The following SLC35F3 variants were observed in gnomAD, a reference collection of about 807,000 sequenced individuals.
SLC35F3 encodes the protein solute carrier family 35 member F3, also known as putative thiamine transporter SLC35F3.
A neutral mutation model predicts 49.9 loss-of-function variants in SLC35F3; 25 were observed. The ratio of observed to expected loss-of-function variants is 0.50; its 90% CI spans 0.37 to 0.70. The LOEUF (loss-of-function observed/expected upper bound fraction) is 0.70, where lower values mean the gene tolerates loss of function less well. Among genes scored for constraint, SLC35F3 ranks in the 30% least tolerant of loss-of-function variants. The pLI, the probability that SLC35F3 is intolerant of heterozygous loss-of-function variation, is 0.00. For synonymous variants in SLC35F3, 275 were observed against 265.4 expected (o/e 1.04, Z -0.35); for missense variants, 525 against 639.8 (o/e 0.82, Z 1.94).
intron 3 of SLC35F3, chr1:234,261,810 GTTA>G (rs1320267916): frequency 6.6e-6 from 1 of 152,190 alleles, no homozygotes. Flanking sequence ...GGAGTGAGGT[GTTA>G]TTATTTAGAA....
intron 2 of SLC35F3, among the ~76,000 whole-genome samples, chr1:233,958,117 A>G (rs1284269198): frequency 1.3e-5 from 2 of 152,196 alleles, no homozygotes; most frequent in African/African-American, 4.8e-5. Context: ...ACATGGACAT[A>G]ATGTCACCAC....
intron 2 of SLC35F3, among the ~76,000 whole-genome samples, chr1:233,934,300 TCC>T (rs1337637959): frequency 1.3e-5 from 2 of 152,314 alleles, no homozygotes; most frequent in South Asian, 4.1e-4. Flanking sequence ...CTAAGACACT[TCC>T]CCACTTTCTA....
At chr1:234,130,303 T>C (rs945302327) in intron 2 of SLC35F3, among the ~76,000 whole-genome samples, 2 of 152,112 alleles carry the variant, frequency 1.3e-5, no homozygotes, top group East Asian at 1.9e-4. Flanking sequence ...CATACATAAA[T>C]CACACTTTAT....
At chr1:234,255,558 T>C (rs1667807847) in intron 3 of SLC35F3, among the ~76,000 whole-genome samples, 1 of 152,212 alleles carries the variant, frequency 6.6e-6, no homozygotes. Flanking sequence ...ACACAGATAT[T>C]TATAGCAGCT....
intron 2 of SLC35F3, among the ~76,000 whole-genome samples, chr1:233,919,112 T>C (rs1250147028): frequency 3.3e-5 from 5 of 152,216 alleles, no homozygotes; most frequent in Non-Finnish European, 7.3e-5. Context: ...AAAATGTCAT[T>C]GCTTCAGCCA....
At chr1:233,987,106 A>G (rs142129950) in intron 2 of SLC35F3, among the ~76,000 whole-genome samples, 1 of 151,588 alleles carries the variant, frequency 6.6e-6, no homozygotes, top group African/African-American at 2.4e-5. Flanking sequence ...GGCCAACATG[A>G]TAAAACCCCA....
intron 2 of SLC35F3, among the ~76,000 whole-genome samples, chr1:234,077,536 C>T (rs1664810379): frequency 6.6e-6 from 1 of 152,184 alleles, no homozygotes; most frequent in South Asian, 2.1e-4. Context: ...TTACCTCCAC[C>T]TTGTTTCTCC....
intron 2 of SLC35F3, among the ~76,000 whole-genome samples, chr1:234,230,526 G>A (rs1667351365): frequency 6.6e-6 from 1 of 152,184 alleles, no homozygotes; most frequent in Admixed American, 6.5e-5. Context: ...AGTTACACCC[G>A]ACACAAGCTA....
rs970142029 is a variant in SLC35F3, at chr1:234,231,062, G to A, written c.284-355G>A. Reference sequence around the variant, plus strand: ...GCTGCTCTGTGTGTTCTGGAGGAGTGTTTCCCAAAGCACGCAGATCACCTG... The same window carrying A: ...GCTGCTCTGTGTGTTCTGGAGGAGTATTTCCCAAAGCACGCAGATCACCTG... On this transcript the variant is annotated intron_variant, in intron 2 of 7. Coordinates refer to ENST00000366618, the MANE Select transcript of SLC35F3 (RefSeq NM_173508.4). The surrounding 1 kb of genome is among the most constrained non-coding windows in gnomAD (Gnocchi z 5.4). Among the ~76,000 whole-genome samples, 8 of 152,190 alleles carry A rather than the reference G, an allele frequency of 5.3e-5. No homozygotes were observed. The highest frequency in any genetic ancestry group is 1.2e-4 in the Non-Finnish European group (8 of 68,036).
intron 2 of SLC35F3, among the ~76,000 whole-genome samples, chr1:234,146,481 C>CTTCTTTTTTTTTTTTTTTTTTT (rs1665997361): frequency 1.4e-5 from 1 of 74,050 alleles, no homozygotes; most frequent in East Asian, 1.2e-3. Context: ...GATATTTGCT[C>CTTCTTTTTTTTTTTTTTTTTTT]TTTTTTTTTT....
intron 2 of SLC35F3, among the ~76,000 whole-genome samples, chr1:234,207,927 T>G (rs1666997633): frequency 6.6e-6 from 1 of 152,194 alleles, no homozygotes; most frequent in African/African-American, 2.4e-5. Context: ...AAAGATTGCT[T>G]GAGCCTAGGA....
intron 2 of SLC35F3, among the ~76,000 whole-genome samples, chr1:234,181,382 G>C (rs7543208): frequency 6.7e-6 from 1 of 149,486 alleles, no homozygotes; most frequent in Non-Finnish European, 1.5e-5. Flanking sequence ...AAAGAAAAAA[G>C]AGAGAAAAAA....
At chr1:234,213,630 G>A (rs1667072738) in intron 2 of SLC35F3, 1 of 152,328 alleles carries the variant, frequency 6.6e-6, no homozygotes, top group African/African-American at 2.4e-5. Context: ...AGTGAAGCTG[G>A]TGCCTGCAGA....
At chr1:234,321,565 G>T (rs558212871) in intron 7 of SLC35F3, among the ~76,000 whole-genome samples, 108 of 152,312 alleles carry the variant, frequency 7.1e-4, no homozygotes, top group African/African-American at 2.4e-3. Context: ...GTCATACCGT[G>T]TTCCTGTCTC....
At chr1:234,155,075 A>G (rs1483355886) in intron 2 of SLC35F3, among the ~76,000 whole-genome samples, 1 of 152,166 alleles carries the variant, frequency 6.6e-6, no homozygotes, top group Non-Finnish European at 1.5e-5. Context: ...TGTAAATGCT[A>G]TGTTAATAGT....
intron 2 of SLC35F3, among the ~76,000 whole-genome samples, chr1:234,099,525 G>A (rs1312456068): frequency 2.0e-5 from 3 of 149,336 alleles, no homozygotes; most frequent in African/African-American, 2.5e-5. Context: ...CAGAAGAATC[G>A]CTTGAACCCT....
chr1:233,948,036 T>TA lies in SLC35F3; in HGVS notation c.283+42288dup, dbSNP rs919440557. 9.6e-3 allele frequency among the ~76,000 whole-genome samples: 1,361 copies of TA among 142,500 alleles called. 19 individuals carry two copies. The highest frequency in any genetic ancestry group is 0.031 in the African/African-American group (1,201 of 39,106). The allele number at this position is 142,500 out of a possible 152,430, so 93.5% of individuals were successfully genotyped here. A position where few individuals can be genotyped will look rare whatever the true frequency, so the allele number is the denominator to read the frequency against. ...GGCTAGATAATTAGGAAAAATTATT[T>TA]AAAAAAAAAAGAGGCTGGAAACAGG... On this transcript the variant is annotated intron_variant, in intron 2 of 7. Coordinates refer to ENST00000366618, the MANE Select transcript of SLC35F3 (RefSeq NM_173508.4).
intron 2 of SLC35F3, among the ~76,000 whole-genome samples, chr1:234,218,295 A>G (rs563494206): frequency 6.6e-6 from 1 of 152,324 alleles, no homozygotes; most frequent in South Asian, 2.1e-4. Flanking sequence ...AATTCCCCCA[A>G]GAGGCGTGCA....
intron 2 of SLC35F3, among the ~76,000 whole-genome samples, chr1:234,210,845 C>T (rs1195208344): frequency 6.6e-6 from 1 of 152,198 alleles, no homozygotes; most frequent in Non-Finnish European, 1.5e-5. Context: ...GCATAAATAA[C>T]AAGGAGCTGA....
Sources: allele counts gnomAD v4.1 joint callset (sites outside exome capture counted in the v4.1 genomes callset), GRCh38; gene constraint gnomAD v4.1.1; non-coding constraint Gnocchi (gnomAD v3.1); transcripts MANE v1.5; gene names NCBI Gene and HGNC (gene_info 2026-07-23, HGNC 2026-07-21).